The following TPST1 variants were observed in gnomAD, a reference collection of about 807,000 sequenced individuals.
TPST1 encodes the protein protein-tyrosine sulfotransferase 1.
In TPST1, 20 loss-of-function variants were observed where a neutral mutation model predicts 34.8. The observed-to-expected ratio is 0.57, with a 90% CI of 0.40 to 0.84. The LOEUF (loss-of-function observed/expected upper bound fraction) is 0.84, where lower values mean the gene tolerates loss of function less well. TPST1 is among the 40% of genes least tolerant of loss of function. TPST1 has a pLI of 0.00. For synonymous variants in TPST1, 152 were observed against 159.4 expected (o/e 0.95, Z 0.35); for missense variants, 353 against 455.5 (o/e 0.78, Z 2.05).
chr7:66,329,403 C>T (rs1791951709), intron 3 of TPST1, among the ~76,000 whole-genome samples: 1 of 151,938 alleles, frequency 6.6e-6, no homozygotes, highest in Admixed American at 6.6e-5. Flanking sequence ...GCTTTATCTT[C>T]TCTGTGCATA....
At chr7:66,255,792 A>G (rs1321846428) in intron 2 of TPST1, among the ~76,000 whole-genome samples, 1 of 152,232 alleles carries the variant, frequency 6.6e-6, no homozygotes, top group Non-Finnish European at 1.5e-5. Flanking sequence ...CTCTGGCACC[A>G]AACTGTACTT....
At chr7:66,243,146 GGTGT>G (rs150715860) in intron 2 of TPST1, among the ~76,000 whole-genome samples, 17 of 148,456 alleles carry the variant, frequency 1.1e-4, no homozygotes, top group Admixed American at 4.0e-4. Context: ...GATGACAAGG[GGTGT>G]GTGTGTGTGT....
At chr7:66,335,839 A>C (rs1433226260) in intron 3 of TPST1, among the ~76,000 whole-genome samples, 1 of 152,234 alleles carries the variant, frequency 6.6e-6, no homozygotes, top group Non-Finnish European at 1.5e-5. Context: ...TGCAAAACCT[A>C]GAAGAAATGG....
chr7:66,301,734 A>G (rs1177505827), intron 3 of TPST1, among the ~76,000 whole-genome samples: 1 of 152,214 alleles, frequency 6.6e-6, no homozygotes, highest in East Asian at 1.9e-4. Flanking sequence ...TAAGTTAATT[A>G]TGTTATATGG....
At chr7:66,315,360 A>G (rs1213619530) in intron 3 of TPST1, among the ~76,000 whole-genome samples, 1 of 152,240 alleles carries the variant, frequency 6.6e-6, no homozygotes, top group Non-Finnish European at 1.5e-5. Flanking sequence ...CTCTAGAGAA[A>G]AACAGCCACT....
At chr7:66,243,680 T>A (rs1277988712) in intron 2 of TPST1, among the ~76,000 whole-genome samples, 1 of 149,794 alleles carries the variant, frequency 6.7e-6, no homozygotes, top group African/African-American at 2.5e-5. Context: ...ACTCCTGAGT[T>A]CAGGCAATCC....
upstream of TPST1, among the ~76,000 whole-genome samples, chr7:66,201,862 GAA>G (rs370370393): frequency 1.5e-5 from 2 of 131,506 alleles, no homozygotes; most frequent in African/African-American, 5.7e-5. Flanking sequence ...ATTAAAATAA[GAA>G]AAAAAAAAAA....
At chr7:66,281,849 T>C (rs1471849811) in intron 2 of TPST1, among the ~76,000 whole-genome samples, 1 of 152,216 alleles carries the variant, frequency 6.6e-6, no homozygotes, top group Non-Finnish European at 1.5e-5. Flanking sequence ...GGAAGATCCA[T>C]GCTTAAAATG....
intron 3 of TPST1, among the ~76,000 whole-genome samples, chr7:66,304,555 C>G (rs1791384016): frequency 6.6e-6 from 1 of 152,184 alleles, no homozygotes; most frequent in East Asian, 1.9e-4. Context: ...CCAGCATAGG[C>G]CATTCCTTTG....
At chr7:66,257,110 C>T (rs1790396635) in intron 2 of TPST1, among the ~76,000 whole-genome samples, 1 of 152,104 alleles carries the variant, frequency 6.6e-6, no homozygotes, top group Non-Finnish European at 1.5e-5. Context: ...CCACACCTGG[C>T]TAATTTTTTT....
At chr7:66,354,734 C>G (rs986856198) in intron 4 of TPST1, among the ~76,000 whole-genome samples, 1 of 150,292 alleles carries the variant, frequency 6.7e-6, no homozygotes, top group African/African-American at 2.4e-5. Context: ...AGGCATGAGG[C>G]TCACGCTTGT....
At chr7:66,215,929 C>T (rs1366092212) in intron 1 of TPST1, among the ~76,000 whole-genome samples, 6 of 151,348 alleles carry the variant, frequency 4.0e-5, no homozygotes, top group South Asian at 2.1e-4. Flanking sequence ...CCCGCCACGA[C>T]GGCTGGCTAA....
At chr7:66,354,137 G>C (rs1463340787) in intron 4 of TPST1, among the ~76,000 whole-genome samples, 1 of 152,154 alleles carries the variant, frequency 6.6e-6, no homozygotes, top group East Asian at 1.9e-4. Flanking sequence ...ACCTCAAGGA[G>C]CTCCTGATTT....
chr7:66,243,272 C>T (rs1392901020), intron 2 of TPST1, among the ~76,000 whole-genome samples: 1 of 152,012 alleles, frequency 6.6e-6, no homozygotes, highest in Non-Finnish European at 1.5e-5. Flanking sequence ...TTCTAGTTGC[C>T]TCACATCTTT....
chr7:66,242,169 G>A (rs78472331), intron 2 of TPST1, among the ~76,000 whole-genome samples: 5,538 of 152,080 alleles, frequency 0.036, 158 homozygotes, highest in East Asian at 0.08. Flanking sequence ...AATTCAGGTA[G>A]CATCTCTTCA....
At chr7:66,272,466 G>A (rs1430202847) in intron 2 of TPST1, among the ~76,000 whole-genome samples, 1 of 152,042 alleles carries the variant, frequency 6.6e-6, no homozygotes, top group East Asian at 1.9e-4. Context: ...CAGAAGGAAG[G>A]TATGTCAACA....
In TPST1 at chr7:66,205,393, C is replaced by G. The variant is rs1316603834; in HGVS notation, c.-231C>G. ...AACGGCGCTGCTCTGCGGGGCCGGT[C>G]CAGGCTGGCAGCTGCCGGCGCTTGG... On this transcript the variant is annotated 5_prime_UTR_variant, in exon 1 of 6. Transcript: ENST00000304842. The surrounding 1 kb of genome is among the most constrained non-coding windows in gnomAD (Gnocchi z 5.0). The G allele has an allele frequency of 6.6e-6, 1 of 152,406 alleles. No homozygotes were observed. The highest frequency in any genetic ancestry group is 1.5e-5 in the Non-Finnish European group (1 of 68,178). 9.4% of individuals were successfully genotyped at this position (152,406 alleles called of 1,614,324 possible).
intron 2 of TPST1, among the ~76,000 whole-genome samples, chr7:66,248,535 G>A (rs1338595797): frequency 7.2e-5 from 9 of 125,526 alleles, no homozygotes; most frequent in Admixed American, 4.0e-4. Context: ...ACAGAGTCTC[G>A]CACTGTCTTC....
intron 1 of TPST1, among the ~76,000 whole-genome samples, chr7:66,228,826 C>G (rs1189574095): frequency 1.3e-5 from 2 of 152,124 alleles, no homozygotes; most frequent in Non-Finnish European, 2.9e-5. Context: ...ATCAGAAACT[C>G]CTGTTCTTGG....
Sources: allele counts gnomAD v4.1 joint callset (sites outside exome capture counted in the v4.1 genomes callset), GRCh38; gene constraint gnomAD v4.1.1; non-coding constraint Gnocchi (gnomAD v3.1); transcripts MANE v1.5; gene names NCBI Gene and HGNC (gene_info 2026-07-23, HGNC 2026-07-21).